Variants in MEMO1 observed in about 807,000 individuals in gnomAD.
The protein encoded by MEMO1 is mediator of cell motility 1.
A neutral mutation model predicts 45.2 loss-of-function variants in MEMO1; 6 were observed. The observed-to-expected ratio is 0.13, with a 90% confidence interval of 0.07 to 0.26. The LOEUF (loss-of-function observed/expected upper bound fraction) is 0.26. MEMO1 is among the 10% of genes least tolerant of loss of function. MEMO1 has a pLI of 1.00. For missense variants in MEMO1, 184 were observed against 370.5 expected (o/e 0.50, Z 4.13); for synonymous variants, 78 against 124.3 (o/e 0.63, Z 2.48).
At chr2:32,008,453 G>A (rs1011213029) in intron 2 of MEMO1, among the ~76,000 whole-genome samples, 3 of 152,154 alleles carry the variant, frequency 2.0e-5, no homozygotes, top group African/African-American at 7.2e-5. Flanking sequence ...GCGTGGTGGC[G>A]CGCGCCTGTA....
chr2:31,973,192 G>A (rs1669606352), intron 2 of MEMO1, among the ~76,000 whole-genome samples: 1 of 152,192 alleles, frequency 6.6e-6, no homozygotes, highest in South Asian at 2.1e-4. Context: ...AGTGGCTCAT[G>A]CCTGTAATCC....
chr2:31,982,991 C>A (rs185300366), intron 2 of MEMO1, among the ~76,000 whole-genome samples: 45 of 152,060 alleles, frequency 3.0e-4, no homozygotes, highest in Non-Finnish European at 5.6e-4. Flanking sequence ...GTAATCCCAG[C>A]ACTTTGGGAG....
chr2:31,983,057 G>A (rs1039377110), intron 2 of MEMO1, among the ~76,000 whole-genome samples: 11 of 151,710 alleles, frequency 7.3e-5, no homozygotes, highest in African/African-American at 1.9e-4. Context: ...TCGCCAGCAC[G>A]GTGAAACCCC....
intron 4 of MEMO1, among the ~76,000 whole-genome samples, chr2:31,921,416 T>C (rs1286325746): frequency 1.3e-5 from 2 of 152,228 alleles, no homozygotes; most frequent in African/African-American, 4.8e-5. Flanking sequence ...ATTCCTTATT[T>C]CTGTCTTTGT....
chr2:31,925,475 CAAAAAAAAAA>C lies in MEMO1; in HGVS notation c.213-4575_213-4566del, dbSNP rs70964741. On this transcript the variant is annotated intron_variant, in intron 4 of 9. Transcript: ENST00000404530. ...TGGGGGACAGAGCAAGACTCCGTCT[CAAAAAAAAAA>C]AAAAAAAAAAAAAATCTGTTCCCGG... Among the ~76,000 whole-genome samples the C allele has an allele frequency of 1.3e-3, 103 of 79,222 alleles. 1 individual carries two copies. Among genetic ancestry groups the C allele is most frequent in the African/African-American group, 6.3e-3 (90 of 14,292 alleles). The allele number at this position is 79,222 out of a possible 152,430, so 52.0% of individuals were successfully genotyped here. A position where few individuals can be genotyped will look rare whatever the true frequency, so the allele number is the denominator to read the frequency against.
At chr2:31,901,723 A>G (rs910052426) in intron 6 of MEMO1, among the ~76,000 whole-genome samples, 1 of 151,846 alleles carries the variant, frequency 6.6e-6, no homozygotes, top group Non-Finnish European at 1.5e-5. Flanking sequence ...TCTGGCCAAC[A>G]TGGTGAAACC....
At chr2:31,938,574 G>A (rs1397085351) in intron 3 of MEMO1, among the ~76,000 whole-genome samples, 1 of 151,890 alleles carries the variant, frequency 6.6e-6, no homozygotes, top group Non-Finnish European at 1.5e-5. Context: ...CGTGAACCCG[G>A]CAGGTGGAGC....
At chr2:31,919,649 C>A (rs1681974470) in intron 5 of MEMO1, among the ~76,000 whole-genome samples, 1 of 151,736 alleles carries the variant, frequency 6.6e-6, no homozygotes. Flanking sequence ...CAAGACCCTA[C>A]CTCTACCAAA....
chr2:31,974,151 C>G (rs1558546021), intron 2 of MEMO1, among the ~76,000 whole-genome samples: 1 of 141,240 alleles, frequency 7.1e-6, no homozygotes, highest in South Asian at 2.6e-4. Flanking sequence ...ATTCACAAAA[C>G]ATGCTAACTT....
At chr2:31,888,106 A>C (rs1323129615) in intron 7 of MEMO1, among the ~76,000 whole-genome samples, 4 of 152,168 alleles carry the variant, frequency 2.6e-5, no homozygotes, top group Non-Finnish European at 5.9e-5. Flanking sequence ...ATATTCACCA[A>C]GTAAACTTAT....
chr2:31,962,706 T>G (rs549865185), intron 2 of MEMO1, among the ~76,000 whole-genome samples: 8 of 152,210 alleles, frequency 5.3e-5, no homozygotes, highest in Admixed American at 2.0e-4. Context: ...ATCAAAAGTA[T>G]CATCAAAGGG....
chr2:31,999,394 G>A (rs1454721006), intron 2 of MEMO1, among the ~76,000 whole-genome samples: 1 of 152,132 alleles, frequency 6.6e-6, no homozygotes, highest in Non-Finnish European at 1.5e-5. Flanking sequence ...TAGGCACAGT[G>A]GCTCATACCT....
chr2:31,891,638 GA>G (rs1677003187), intron 7 of MEMO1, among the ~76,000 whole-genome samples: 1 of 151,392 alleles, frequency 6.6e-6, no homozygotes, highest in Non-Finnish European at 1.5e-5. Context: ...ATACTCTAAA[GA>G]ACATTGGATT....
intron 8 of MEMO1, among the ~76,000 whole-genome samples, chr2:31,879,375 C>A (rs887118428): frequency 2.6e-5 from 4 of 152,104 alleles, no homozygotes; most frequent in Non-Finnish European, 4.4e-5. Flanking sequence ...CTGGTATGTC[C>A]ATCTGATCTA....
At chr2:32,008,302 C>A (rs1371251480) in intron 2 of MEMO1, among the ~76,000 whole-genome samples, 1 of 152,234 alleles carries the variant, frequency 6.6e-6, no homozygotes, top group Non-Finnish European at 1.5e-5. Flanking sequence ...CATTGAACTT[C>A]TGGCCTGGCA....
At chr2:31,998,470 C>A (rs1015492876) in intron 2 of MEMO1, among the ~76,000 whole-genome samples, 4 of 152,252 alleles carry the variant, frequency 2.6e-5, no homozygotes, top group African/African-American at 9.6e-5. Context: ...TAACTATTCT[C>A]ATTCCCATGG....
chr2:31,969,599 GTGTGTGT>G (rs1669119835), intron 2 of MEMO1, among the ~76,000 whole-genome samples: 1 of 144,786 alleles, frequency 6.9e-6, no homozygotes. Context: ...GTGTGTGTGT[GTGTGTGT>G]GTGTGTGTGT....
intron 2 of MEMO1, among the ~76,000 whole-genome samples, chr2:32,001,070 G>A (rs1016101201): frequency 1.3e-4 from 15 of 119,926 alleles, no homozygotes; most frequent in Non-Finnish European, 1.8e-4. Flanking sequence ...CAGGAGTCTC[G>A]CTCTCTCACC....
intron 6 of MEMO1, chr2:31,893,232 G>A (rs568226212): frequency 6.0e-6 from 4 of 665,118 alleles, no homozygotes; most frequent in Admixed American, 5.0e-5. Context: ...CCCCCATAAG[G>A]CCCCCTTACC....
Sources: allele counts gnomAD v4.1 joint callset (sites outside exome capture counted in the v4.1 genomes callset), GRCh38; gene constraint gnomAD v4.1.1; transcripts MANE v1.5; gene names NCBI Gene and HGNC (gene_info 2026-07-23, HGNC 2026-07-21).